C1QTNF3: variants seen among roughly 807,000 people sequenced by gnomAD.
C1QTNF3 encodes the protein complement C1q tumor necrosis factor-related protein 3.
In C1QTNF3, 26 loss-of-function variants were observed where a neutral mutation model predicts 32.6. That is an observed-to-expected ratio of 0.80 (90% confidence interval 0.58 to 1.11). The LOEUF is 1.11. Ranked by LOEUF, C1QTNF3 falls within the 50% of genes least tolerant of loss-of-function variation. The probability of loss-of-function intolerance (pLI) is 0.00; values close to 1 mark genes in which losing one functional copy is unlikely to be tolerated. For missense variants in C1QTNF3, 362 were observed against 398.2 expected (o/e 0.91, Z 0.77); for synonymous variants, 155 against 146.0 (o/e 1.06, Z -0.44).
chr5:34,163,899 T>C, the C1QTNF3 span, among the ~76,000 whole-genome samples: 1 of 152,140 alleles, frequency 6.6e-6, no homozygotes, highest in African/African-American at 2.4e-5. Context: ...CAGAATACTT[T>C]GGTTTGTGTT....
the C1QTNF3 span, among the ~76,000 whole-genome samples, chr5:34,137,373 C>T: frequency 6.6e-6 from 1 of 152,188 alleles, no homozygotes. Flanking sequence ...ATGAAAATGT[C>T]GTCTTCCTTC....
the C1QTNF3 span, chr5:34,218,399 T>C: frequency 1.2e-4 from 18 of 151,582 alleles, no homozygotes; most frequent in Middle Eastern, 3.4e-3. Context: ...AAGCAGAACC[T>C]GCTCTTTCAC....
At chr5:34,226,770 A>AT in the C1QTNF3 span, among the ~76,000 whole-genome samples, 2 of 151,438 alleles carry the variant, frequency 1.3e-5, no homozygotes, top group African/African-American at 4.8e-5. Flanking sequence ...TGCTGTATGT[A>AT]TTTTACACTG....
chr5:34,176,552 T>A, the C1QTNF3 span, among the ~76,000 whole-genome samples: 1 of 152,192 alleles, frequency 6.6e-6, no homozygotes, highest in Non-Finnish European at 1.5e-5. Flanking sequence ...CTCTATCTGC[T>A]GATACAGTCT....
At chr5:34,237,682 G>A in the C1QTNF3 span, among the ~76,000 whole-genome samples, 1 of 152,124 alleles carries the variant, frequency 6.6e-6, no homozygotes, top group Non-Finnish European at 1.5e-5. Flanking sequence ...AGTGGATGGA[G>A]AGGCCTGAAG....
the C1QTNF3 span, among the ~76,000 whole-genome samples, chr5:34,103,833 A>G: frequency 6.6e-6 from 1 of 151,858 alleles, no homozygotes; most frequent in African/African-American, 2.4e-5. Flanking sequence ...TAAAAAAAAA[A>G]AAGGTAGTCA....
At chr5:34,242,634 T>C in the C1QTNF3 span, among the ~76,000 whole-genome samples, 10 of 151,550 alleles carry the variant, frequency 6.6e-5, no homozygotes, top group Admixed American at 3.9e-4. Context: ...CTAAAAACAA[T>C]TGCAACAAAA....
the C1QTNF3 span, among the ~76,000 whole-genome samples, chr5:34,109,599 C>G: frequency 3.0e-4 from 45 of 152,096 alleles, no homozygotes; most frequent in African/African-American, 1.0e-3. Context: ...AATCTTATTT[C>G]TTACCACTAT....
At chr5:34,225,423 C>T in the C1QTNF3 span, among the ~76,000 whole-genome samples, 4 of 151,964 alleles carry the variant, frequency 2.6e-5, no homozygotes, top group East Asian at 7.7e-4. Context: ...TTTTTATTTT[C>T]TCCCAAAACA....
chr5:34,240,316 C>T, the C1QTNF3 span, among the ~76,000 whole-genome samples: 1 of 150,048 alleles, frequency 6.7e-6, no homozygotes, highest in Non-Finnish European at 1.5e-5. Context: ...ATGCAAAAAT[C>T]CTACAAAAGA....
the C1QTNF3 span, among the ~76,000 whole-genome samples, chr5:34,051,324 T>G: frequency 6.6e-6 from 1 of 152,198 alleles, no homozygotes; most frequent in East Asian, 1.9e-4. Context: ...ACCTTTGAGG[T>G]GGTTCAACAT....
the C1QTNF3 span, among the ~76,000 whole-genome samples, chr5:34,163,353 T>C: frequency 2.0e-5 from 3 of 152,102 alleles, no homozygotes; most frequent in Non-Finnish European, 4.4e-5. Flanking sequence ...TTTAAAAAGA[T>C]TGATTCCAAC....
chr5:34,141,758 A>T, the C1QTNF3 span, among the ~76,000 whole-genome samples: 2 of 152,152 alleles, frequency 1.3e-5, no homozygotes, highest in African/African-American at 4.8e-5. Flanking sequence ...GTGTCAGTCA[A>T]ATGGTATAAA....
chr5:34,057,096 C>G, the C1QTNF3 span, among the ~76,000 whole-genome samples: 7 of 152,142 alleles, frequency 4.6e-5, no homozygotes, highest in African/African-American at 1.7e-4. Context: ...TCCAACTGTA[C>G]ATCCATCAAC....
chr5:34,173,764 A>T, the C1QTNF3 span, among the ~76,000 whole-genome samples: 1 of 144,540 alleles, frequency 6.9e-6, no homozygotes, highest in Non-Finnish European at 1.5e-5. Flanking sequence ...ACTTTAGCAT[A>T]TTATCTCATT....
At chr5:34,183,308 A>T in the C1QTNF3 span, among the ~76,000 whole-genome samples, 4 of 151,402 alleles carry the variant, frequency 2.6e-5, no homozygotes, top group African/African-American at 7.3e-5. Flanking sequence ...GCTTTTTTTT[A>T]ATTTAATTTT....
the C1QTNF3 span, among the ~76,000 whole-genome samples, chr5:34,097,411 A>C: frequency 6.7e-6 from 1 of 150,182 alleles, no homozygotes; most frequent in Non-Finnish European, 1.5e-5. Flanking sequence ...TTTAACATTA[A>C]ATTTTTCTCA....
chr5:34,113,656 T>A, the C1QTNF3 span, among the ~76,000 whole-genome samples: 1 of 152,142 alleles, frequency 6.6e-6, no homozygotes, highest in African/African-American at 2.4e-5. Flanking sequence ...CTACATTACA[T>A]CTTTACTCTC....
chr5:34,236,576 T>C, the C1QTNF3 span, among the ~76,000 whole-genome samples: 676 of 119,748 alleles, frequency 5.6e-3, 6 homozygotes, highest in African/African-American at 0.023. Context: ...TTTTCTTTTT[T>C]TTTTTTTTTT....
Sources: gnomAD v4.1 joint callset for allele counts (sites outside exome capture counted in the v4.1 genomes callset) on GRCh38, gnomAD v4.1.1 for gene constraint, MANE v1.5 for transcripts, NCBI Gene and HGNC (gene_info 2026-07-23, HGNC 2026-07-21) for gene names.